GRID2IP: variants seen among roughly 807,000 people sequenced by gnomAD.
GRID2IP encodes Grid2 interacting protein, also known as delphilin.
A neutral mutation model predicts 114.3 loss-of-function variants in GRID2IP; 78 were observed. The observed-to-expected ratio is 0.68, with a 90% CI of 0.57 to 0.82. The LOEUF is 0.82. Ranked by LOEUF, GRID2IP falls within the 40% of genes least tolerant of loss-of-function variation. The probability of loss-of-function intolerance (pLI) is 0.00; values close to 1 mark genes in which losing one functional copy is unlikely to be tolerated. For synonymous variants in GRID2IP, 809 were observed against 724.0 expected (o/e 1.12, Z -1.89); for missense variants, 1,727 against 1,678.5 (o/e 1.03, Z -0.51).
chr7:6,515,630 G>A (rs894980467), intron 7 of GRID2IP, among the ~76,000 whole-genome samples: 2 of 151,372 alleles, frequency 1.3e-5, no homozygotes, highest in African/African-American at 2.4e-5. Flanking sequence ...ATACAAAAAT[G>A]TGGTAGGCAT....
intron 1 of GRID2IP, among the ~76,000 whole-genome samples, chr7:6,545,693 C>T (rs140059104): frequency 1.1e-3 from 170 of 152,276 alleles, no homozygotes; most frequent in Non-Finnish European, 2.1e-3. Flanking sequence ...CATGCTTGTC[C>T]AGCCCCAAGC....
intron 1 of GRID2IP, 27 bp from the exon 2 acceptor site, chr7:6,539,899 CA>C: frequency 6.5e-7 from 1 of 1,542,360 alleles, no homozygotes; most frequent in Non-Finnish European, 8.8e-7. Flanking sequence ...TGTGAATGAC[CA>C]AAAGGGATCC....
chr7:6,500,123 G>C (rs1032738580), intron 20 of GRID2IP, among the ~76,000 whole-genome samples: 2 of 152,042 alleles, frequency 1.3e-5, no homozygotes, highest in Admixed American at 6.6e-5. Flanking sequence ...AGGGATGCTA[G>C]AGTGGACTAA....
rs1786587590 is a variant in GRID2IP, at chr7:6,506,387, G to A, written c.2545-480C>T. 6.6e-6 allele frequency among the ~76,000 whole-genome samples: 1 copy of A among 152,122 alleles called. No homozygotes were observed. Among genetic ancestry groups the A allele is most frequent in the South Asian group, 2.1e-4 (1 of 4,824 alleles). On this transcript the variant is annotated intron_variant, in intron 13 of 21. Transcript: ENST00000457091. The surrounding 1 kb of genome is among the most constrained non-coding windows in gnomAD (Gnocchi z 5.2). Reference sequence around the variant, plus strand: ...GCTGTGATGAATGGCATAGATGAGAGGTAACAGCCTGGGGCTGGGGCAGGG... The same window carrying A: ...GCTGTGATGAATGGCATAGATGAGAAGTAACAGCCTGGGGCTGGGGCAGGG...
At chr7:6,541,692 G>C (rs1779817518) in intron 1 of GRID2IP, among the ~76,000 whole-genome samples, 1 of 152,170 alleles carries the variant, frequency 6.6e-6, no homozygotes, top group African/African-American at 2.4e-5. Context: ...GTGCAAATGG[G>C]CACATTGGAA....
At position 6,508,830 on chromosome 7, in the gene GRID2IP, G is replaced by A; in HGVS notation, c.2127+128C>T. On this transcript the variant is annotated intron_variant, in intron 12 of 21. Coordinates refer to ENST00000457091, the MANE Select transcript of GRID2IP (RefSeq NM_001145118.2). The surrounding 1 kb of genome is among the most constrained non-coding windows in gnomAD (Gnocchi z 5.6). ...CAAGGGGTGGGATAGCTTGAGCTAG[G>A]GAGTGGGATAGCCTGGGGAAGATCC... 7.2e-7 allele frequency: 1 copy of A among 1,381,860 alleles called. No homozygotes were observed. Among genetic ancestry groups the A allele is most frequent in the Non-Finnish European group, 9.6e-7 (1 of 1,045,310 alleles). The allele number at this position is 1,381,860 out of a possible 1,614,324, so 85.6% of individuals were successfully genotyped here.
rs1329089790 is a variant in GRID2IP at position 6,514,371 on chromosome 7, T to C, written c.1423+4A>G. 1 of 1,505,874 alleles carries C rather than the reference T, an allele frequency of 6.6e-7. No homozygotes were observed. Among genetic ancestry groups the C allele is most frequent in the African/African-American group, 1.4e-5 (1 of 72,208 alleles). The allele number at this position is 1,505,874 out of a possible 1,614,324, so 93.3% of individuals were successfully genotyped here. On this transcript the variant is annotated splice_donor_region_variant and intron_variant, in intron 8 of 21. Transcript: ENST00000457091. ...AGGGAAGTGGCAGGGGAGAGGACGC[T>C]TACCTGTCATGGCCGTGTAGCCCAG...
At chr7:6,530,474 A>T (rs1779597157) in intron 2 of GRID2IP, among the ~76,000 whole-genome samples, 1 of 149,788 alleles carries the variant, frequency 6.7e-6, no homozygotes. Flanking sequence ...CATGTTGGTC[A>T]GGCTGGTCTC....
chr7:6,505,557 A>G (rs11768365), intron 14 of GRID2IP, among the ~76,000 whole-genome samples: 38,485 of 151,844 alleles, frequency 0.25, 5,113 homozygotes, highest in African/African-American at 0.31. Context: ...CGGTAGAGAC[A>G]AGGGTTTCGC....
intron 1 of GRID2IP, among the ~76,000 whole-genome samples, chr7:6,541,591 T>C (rs1054364942): frequency 3.3e-5 from 5 of 152,136 alleles, no homozygotes; most frequent in African/African-American, 7.2e-5. Flanking sequence ...AATGGACACG[T>C]TGGAAACGTG....
intron 4 of GRID2IP, among the ~76,000 whole-genome samples, 172 bp from the exon 5 acceptor site, chr7:6,522,129 C>T (rs186288434): frequency 3.3e-5 from 5 of 152,260 alleles, no homozygotes; most frequent in East Asian, 3.9e-4. Flanking sequence ...GCAGGAGGAT[C>T]GCTTGAGCCC....
At chr7:6,504,684 G>A in intron 15 of GRID2IP, 109 bp downstream of exon 15, 1 of 835,184 alleles carries the variant, frequency 1.2e-6, no homozygotes, top group East Asian at 2.7e-5. Flanking sequence ...AGCGACAGGA[G>A]GCCGGGTCCC....
chr7:6,501,564 T>A (rs1286655940), intron 20 of GRID2IP, among the ~76,000 whole-genome samples: 2 of 152,098 alleles, frequency 1.3e-5, no homozygotes, highest in Non-Finnish European at 2.9e-5. Flanking sequence ...TAGCCAGGCA[T>A]AGCCTGGGTG....
chr7:6,548,506 C>T lies in GRID2IP; in HGVS notation c.429+2502G>A, dbSNP rs143744907. 3.5e-3 allele frequency among the ~76,000 whole-genome samples: 532 copies of T among 152,082 alleles called. 3 individuals carry two copies. Among genetic ancestry groups the T allele is most frequent in the African/African-American group, 0.012 (482 of 41,482 alleles). ...CTCAGATACCCCATAAATATATACA[C>T]GTATTAGGTACCCACAAAAATTAAA... is the stretch of plus-strand genomic sequence containing the variant. On this transcript the variant is annotated intron_variant, in intron 1 of 21. Coordinates refer to ENST00000457091, the MANE Select transcript of GRID2IP (RefSeq NM_001145118.2).
chr7:6,544,169 G>T (rs184577377), intron 1 of GRID2IP, among the ~76,000 whole-genome samples: 2 of 152,244 alleles, frequency 1.3e-5, no homozygotes, highest in East Asian at 3.9e-4. Flanking sequence ...AGTAATGTTA[G>T]GTGTGTGAAG....
In GRID2IP at chr7:6,516,427, A is replaced by C. The variant is rs1779300477; in HGVS notation, c.1269-1898T>G. ...CTAGGAGAAACCAGGCCATACAGAG[A>C]TAGGAGCTGAAGGGACACGGTGAGA... On this transcript the variant is annotated intron_variant, in intron 7 of 21. Coordinates refer to ENST00000457091, the MANE Select transcript of GRID2IP (RefSeq NM_001145118.2). The surrounding 1 kb of genome is among the most constrained non-coding windows in gnomAD (Gnocchi z 4.3). 6.6e-6 allele frequency among the ~76,000 whole-genome samples: 1 copy of C among 152,180 alleles called. No individual in the cohort carries two copies. Among genetic ancestry groups the C allele is most frequent in the African/African-American group, 2.4e-5 (1 of 41,460 alleles).
intron 2 of GRID2IP, among the ~76,000 whole-genome samples, chr7:6,537,253 CTG>C (rs1322544240): frequency 6.6e-6 from 1 of 151,562 alleles, no homozygotes; most frequent in Admixed American, 6.6e-5. Context: ...GACAAATAAA[CTG>C]AGAGCAGGCC....
At position 6,543,028 on chromosome 7, in the gene GRID2IP, C is replaced by CCTTCAT. The variant is rs1170438816; in HGVS notation, c.430-3157_430-3156insATGAAG. ...GGGCTGTCAGGCCCCGCCTCTCTCA[C>CCTTCAT]CCTCATCCACCTCCAAACTTCTCAA... On this transcript the variant is annotated intron_variant, in intron 1 of 21. Transcript: ENST00000457091. Among the ~76,000 whole-genome samples, 8 of 152,232 alleles carry CCTTCAT rather than the reference C, an allele frequency of 5.3e-5. No individual in the cohort carries two copies. In the South Asian group the frequency reaches 1.7e-3, roughly 32 times the overall value.
intron 1 of GRID2IP, among the ~76,000 whole-genome samples, chr7:6,546,416 A>C (rs1779888957): frequency 6.6e-6 from 1 of 151,334 alleles, no homozygotes; most frequent in Non-Finnish European, 1.5e-5. Context: ...AAAAAAATAC[A>C]AAATTAGCCG....
Sources: gnomAD v4.1 joint callset for allele counts (sites outside exome capture counted in the v4.1 genomes callset) on GRCh38, gnomAD v4.1.1 for gene constraint, Gnocchi (gnomAD v3.1) non-coding constraint, MANE v1.5 for transcripts, NCBI Gene and HGNC (gene_info 2026-07-23, HGNC 2026-07-21) for gene names.